Variants in MAD1L1 observed in about 807,000 individuals in gnomAD.
The protein encoded by MAD1L1 is mitotic arrest deficient 1 like 1, also known as mitotic spindle assembly checkpoint protein MAD1.
Under a neutral mutation model 96.9 loss-of-function variants are expected in MAD1L1, and 95 were observed. The observed-to-expected ratio is 0.98, with a 90% CI of 0.83 to 1.16. MAD1L1 has a LOEUF of 1.16. MAD1L1 is among the 50% of genes most tolerant of loss of function. The pLI, the probability that MAD1L1 is intolerant of heterozygous loss-of-function variation, is 0.00. For missense variants in MAD1L1, 1,007 were observed against 954.4 expected (o/e 1.06, Z -0.73); for synonymous variants, 473 against 396.6 (o/e 1.19, Z -2.29).
intron 12 of MAD1L1, among the ~76,000 whole-genome samples, chr7:2,030,183 A>G (rs1378449128): frequency 1.3e-5 from 2 of 152,194 alleles, no homozygotes; most frequent in Admixed American, 6.5e-5. Context: ...GTACAGGTGC[A>G]TGTCCGCTAC....
chr7:2,208,501 C>T (rs1291080609), intron 10 of MAD1L1, among the ~76,000 whole-genome samples: 2 of 152,196 alleles, frequency 1.3e-5, no homozygotes, highest in African/African-American at 2.4e-5. Flanking sequence ...GCAGTCCGTC[C>T]ACCTTGTATT....
At chr7:2,174,604 T>C (rs890405977) in intron 10 of MAD1L1, among the ~76,000 whole-genome samples, 13 of 152,200 alleles carry the variant, frequency 8.5e-5, no homozygotes, top group Non-Finnish European at 1.6e-4. Context: ...TTTGATCTTT[T>C]TTTTCTTTCC....
intron 12 of MAD1L1, among the ~76,000 whole-genome samples, chr7:2,019,079 C>T (rs1469974957): frequency 2.6e-5 from 4 of 152,214 alleles, no homozygotes; most frequent in Non-Finnish European, 4.4e-5. Context: ...TAGATTCAGG[C>T]GGGAACGTGG....
chr7:1,997,914 G>C (rs904878364), intron 14 of MAD1L1, among the ~76,000 whole-genome samples: 3 of 152,178 alleles, frequency 2.0e-5, no homozygotes, highest in Admixed American at 1.3e-4. Flanking sequence ...CAAAGGACGG[G>C]GCCAGGAACA....
In MAD1L1 at chr7:1,819,107, T is replaced by C. The variant is rs569343179; in HGVS notation, c.1999-2879A>G. Among the ~76,000 whole-genome samples the C allele has an allele frequency of 4.3e-4, 65 of 152,294 alleles. 1 individual carries two copies. In the South Asian group the frequency reaches 0.013, roughly 31 times the overall value. ...GAGTGGCGCCGGGCCCATCCATCTC[T>C]GCCATCGCTGCTCAGCCCTCTGCCA... On this transcript the variant is annotated intron_variant, in intron 18 of 18. Transcript: ENST00000265854.
chr7:2,015,236 G>C (rs1782484180), intron 12 of MAD1L1, among the ~76,000 whole-genome samples: 1 of 152,222 alleles, frequency 6.6e-6, no homozygotes, highest in African/African-American at 2.4e-5. Context: ...CAACCGCCCA[G>C]GGCTCTCGGG....
intron 18 of MAD1L1, among the ~76,000 whole-genome samples, chr7:1,894,722 G>A (rs534684299): frequency 6.6e-5 from 10 of 152,230 alleles, no homozygotes; most frequent in African/African-American, 2.4e-4. Context: ...GGGGGCGAGC[G>A]GGGTGCTAGG....
intron 11 of MAD1L1, among the ~76,000 whole-genome samples, chr7:2,077,721 G>C (rs1229984334): frequency 6.6e-6 from 1 of 152,230 alleles, no homozygotes; most frequent in Non-Finnish European, 1.5e-5. Flanking sequence ...CAGGAGGCTA[G>C]CAGGGAGCAG....
intron 18 of MAD1L1, among the ~76,000 whole-genome samples, chr7:1,855,115 C>T (rs116622162): frequency 0.014 from 2,103 of 152,264 alleles, 41 homozygotes; most frequent in African/African-American, 0.048. Flanking sequence ...AAGAGCCGCG[C>T]GTGTTTGCCG....
intron 10 of MAD1L1, among the ~76,000 whole-genome samples, chr7:2,191,029 T>C (rs1584512102): frequency 6.6e-6 from 1 of 152,208 alleles, no homozygotes; most frequent in Admixed American, 6.5e-5. Context: ...GTTCACAGAA[T>C]CTTTATCTGC....
intron 12 of MAD1L1, among the ~76,000 whole-genome samples, chr7:2,066,530 T>G (rs1018851381): frequency 6.6e-6 from 1 of 151,946 alleles, no homozygotes; most frequent in South Asian, 2.1e-4. Flanking sequence ...CACAGCAGGG[T>G]CGGGGTGAGG....
chr7:2,021,136 G>C (rs758754186), intron 12 of MAD1L1, among the ~76,000 whole-genome samples: 1 of 152,202 alleles, frequency 6.6e-6, no homozygotes, highest in African/African-American at 2.4e-5. Flanking sequence ...GAAGGAGAAG[G>C]AGGCGAGGAG....
intron 17 of MAD1L1, among the ~76,000 whole-genome samples, chr7:1,936,344 G>C (rs1204908454): frequency 1.3e-5 from 2 of 152,228 alleles, no homozygotes; most frequent in Non-Finnish European, 2.9e-5. Context: ...GTGAGAGATG[G>C]ACTTGTTTTC....
At chr7:2,025,895 A>T (rs1468705063) in intron 12 of MAD1L1, among the ~76,000 whole-genome samples, 1 of 152,188 alleles carries the variant, frequency 6.6e-6, no homozygotes, top group Non-Finnish European at 1.5e-5. Context: ...TAACGATCAT[A>T]AAAAAATTTA....
chr7:1,905,636 T>C (rs1459854283), intron 17 of MAD1L1, among the ~76,000 whole-genome samples: 2 of 152,258 alleles, frequency 1.3e-5, no homozygotes, highest in Non-Finnish European at 2.9e-5. Flanking sequence ...TCATGATTGG[T>C]GAAGCACTGT....
At chr7:2,113,307 C>G (rs190892213) in intron 11 of MAD1L1, among the ~76,000 whole-genome samples, 1 of 152,190 alleles carries the variant, frequency 6.6e-6, no homozygotes, top group Non-Finnish European at 1.5e-5. Flanking sequence ...GGGCTGGGCA[C>G]GGTGGCTCAC....
intron 11 of MAD1L1, among the ~76,000 whole-genome samples, chr7:2,100,060 G>A (rs1335992812): frequency 6.6e-6 from 1 of 152,224 alleles, no homozygotes; most frequent in Non-Finnish European, 1.5e-5. Context: ...CCGTCTCAGG[G>A]ACATGGGCAT....
intron 12 of MAD1L1, among the ~76,000 whole-genome samples, chr7:2,060,938 A>C (rs1221907523): frequency 2.6e-5 from 4 of 152,172 alleles, no homozygotes; most frequent in African/African-American, 9.6e-5. Context: ...TCCGAGAGTG[A>C]AAAAGCAAAC....
intron 10 of MAD1L1, among the ~76,000 whole-genome samples, chr7:2,182,730 A>G (rs953908217): frequency 6.6e-6 from 1 of 152,204 alleles, no homozygotes; most frequent in Admixed American, 6.5e-5. Flanking sequence ...GTGCGATTCC[A>G]CTGATACACA....
Sources: gnomAD v4.1 joint callset for allele counts (sites outside exome capture counted in the v4.1 genomes callset) on GRCh38, gnomAD v4.1.1 for gene constraint, MANE v1.5 for transcripts, NCBI Gene and HGNC (gene_info 2026-07-23, HGNC 2026-07-21) for gene names.